Variants in ERAP1 observed in about 807,000 individuals in gnomAD.
The protein encoded by ERAP1 is adipocyte-derived leucine aminopeptidase.
Under a neutral mutation model 103.7 loss-of-function variants are expected in ERAP1, and 86 were observed. That is an observed-to-expected ratio of 0.83 (90% confidence interval 0.70 to 0.99). The LOEUF (loss-of-function observed/expected upper bound fraction) is 0.99. Ranked by LOEUF, ERAP1 falls within the 50% of genes least tolerant of loss-of-function variation. ERAP1 has a pLI of 0.00. For synonymous variants in ERAP1, 398 were observed against 402.4 expected, an observed-to-expected ratio of 0.99 and a Z score of 0.13; for missense variants, 1,009 against 1,128.4, an observed-to-expected ratio of 0.89 and a Z score of 1.52.
rs70981840 is a variant in ERAP1, at chr5:96,783,875, A to ACT, written c.2100+47_2100+48dup. On this transcript the variant is annotated intron_variant, in intron 14 of 18. Transcript: ENST00000443439. ...CACACATACACACACAATGATTAAC[A>ACT]CTTTTTAACACAAATAATAATTACA... 0.82 allele frequency: 1,082,272 copies of ACT among 1,326,212 alleles called. 460,973 individuals carry two copies. Among genetic ancestry groups the ACT allele is most frequent in the Non-Finnish European group, 0.84 (798,227 of 947,498 alleles). 82.2% of individuals were successfully genotyped at this position (1,326,212 alleles called of 1,614,324 possible).
At chr5:96,869,716 A>G in the ERAP1 span, among the ~76,000 whole-genome samples, 1 of 152,344 alleles carries the variant, frequency 6.6e-6, no homozygotes, top group African/African-American at 2.4e-5. Flanking sequence ...ACTCCTCAAT[A>G]ATCTGACCAT....
At chr5:96,830,715 G>A in the ERAP1 span, among the ~76,000 whole-genome samples, 1 of 152,204 alleles carries the variant, frequency 6.6e-6, no homozygotes, top group Non-Finnish European at 1.5e-5. Flanking sequence ...TACACTTGGA[G>A]TCAAGTTTAA....
At chr5:96,832,731 G>A in the ERAP1 span, among the ~76,000 whole-genome samples, 1 of 152,172 alleles carries the variant, frequency 6.6e-6, no homozygotes, top group African/African-American at 2.4e-5. Context: ...AGATATCATT[G>A]TACGTACAAA....
the ERAP1 span, among the ~76,000 whole-genome samples, chr5:96,892,706 T>C: frequency 3.2e-4 from 48 of 152,132 alleles, no homozygotes; most frequent in Non-Finnish European, 1.2e-4. Flanking sequence ...CCTTCAAATG[T>C]CATTTGGGAA....
the ERAP1 span, among the ~76,000 whole-genome samples, chr5:96,881,922 G>A: frequency 2.6e-5 from 4 of 152,138 alleles, no homozygotes; most frequent in African/African-American, 9.7e-5. Flanking sequence ...TCTCTTATCT[G>A]GACTTGTTGC....
chr5:96,782,535 T>C (rs1408219179), intron 15 of ERAP1, among the ~76,000 whole-genome samples: 1 of 152,196 alleles, frequency 6.6e-6, no homozygotes, highest in Non-Finnish European at 1.5e-5. Context: ...GACCACTGTT[T>C]GGATTTCTTT....
downstream of ERAP1, chr5:96,771,568 C>G: frequency 1.8e-6 from 2 of 1,101,024 alleles, no homozygotes; most frequent in Non-Finnish European, 2.7e-6. Flanking sequence ...CTTTTGTCCC[C>G]TAATTCTGAG....
intron 2 of ERAP1, among the ~76,000 whole-genome samples, chr5:96,801,853 A>G (rs1200258199): frequency 1.6e-5 from 2 of 121,530 alleles, no homozygotes; most frequent in Non-Finnish European, 3.7e-5. Flanking sequence ...CTCCGTCTCG[A>G]CAAAAAAAAA....
At chr5:96,885,764 A>T in the ERAP1 span, among the ~76,000 whole-genome samples, 1 of 152,146 alleles carries the variant, frequency 6.6e-6, no homozygotes, top group Admixed American at 6.6e-5. Context: ...AGATTATTGG[A>T]TCTGTATCCA....
the ERAP1 span, among the ~76,000 whole-genome samples, chr5:96,929,763 T>C: frequency 6.6e-6 from 1 of 152,200 alleles, no homozygotes; most frequent in Non-Finnish European, 1.5e-5. Flanking sequence ...CTCTTTTCAT[T>C]TACAATAATA....
At chr5:96,931,547 C>A in the ERAP1 span, among the ~76,000 whole-genome samples, 1 of 152,164 alleles carries the variant, frequency 6.6e-6, no homozygotes, top group Non-Finnish European at 1.5e-5. Context: ...GGTGAGGGTG[C>A]ATGAAAGAAT....
the ERAP1 span, among the ~76,000 whole-genome samples, chr5:96,852,760 T>A: frequency 2.0e-5 from 3 of 152,216 alleles, no homozygotes; most frequent in Non-Finnish European, 4.4e-5. Context: ...GATGGTAATG[T>A]GAATAGAAAT....
At chr5:96,913,822 C>T in the ERAP1 span, among the ~76,000 whole-genome samples, 2 of 152,158 alleles carry the variant, frequency 1.3e-5, no homozygotes, top group African/African-American at 4.8e-5. Context: ...TATGTGGCCT[C>T]ATTTGTTAAT....
chr5:96,905,922 A>G, the ERAP1 span, among the ~76,000 whole-genome samples: 2 of 148,802 alleles, frequency 1.3e-5, no homozygotes, highest in African/African-American at 5.0e-5. Flanking sequence ...TAGTTTGGAG[A>G]GATAATTTTT....
chr5:96,846,116 GTCCT>G, the ERAP1 span, among the ~76,000 whole-genome samples: 1 of 152,264 alleles, frequency 6.6e-6, no homozygotes, highest in African/African-American at 2.4e-5. Context: ...AACCTTGTAG[GTCCT>G]TAAAGTTGCC....
chr5:96,800,912 T>C lies in ERAP1; in HGVS notation c.613A>G (p.Ile205Val), dbSNP rs200284630. 8.1e-6 allele frequency: 13 copies of C among 1,614,110 alleles called. No homozygotes were observed. The Middle Eastern group carries it at 9.9e-4, about 123-fold the overall frequency. Residue 205 changes from isoleucine (I) to valine (V), a missense_variant, in exon 3 of 19, where the codon ATC (isoleucine) becomes GTC (valine). Ile to Val is a conservative substitution (Grantham distance 29). Around this residue, in one of 3 missense-constraint regions of ERAP1, gnomAD observed 392 missense variants for 455.2 expected, o/e 0.86. Coordinates refer to ENST00000443439, the MANE Select transcript of ERAP1 (RefSeq NM_001040458.3). The stretch of plus-strand genomic sequence containing the variant: ...TGCCTTGGCTCTCTTCTAATTTTGA[T>C]TGAGAAACTTGCTTTGAAGGCAGGT... ...DEPAFKASFS[I>V]KIRREPRHLA... is the part of the protein sequence containing the mutation.
chr5:96,763,107 G>C, exon 20 of ERAP1: 1 of 777,832 alleles, frequency 1.3e-6, no homozygotes, highest in Non-Finnish European at 2.4e-6. Flanking sequence ...AGATGGAGAT[G>C]AAGTAACTTT....
At chr5:96,876,806 T>C in the ERAP1 span, among the ~76,000 whole-genome samples, 1 of 152,160 alleles carries the variant, frequency 6.6e-6, no homozygotes, top group African/African-American at 2.4e-5. Context: ...CAGGATGTTT[T>C]GTTCACTGCA....
intron 18 of ERAP1, among the ~76,000 whole-genome samples, chr5:96,777,169 AAT>A (rs1240133761): frequency 3.3e-5 from 5 of 152,192 alleles, no homozygotes; most frequent in Admixed American, 1.3e-4. Context: ...CCTCCTGAAA[AAT>A]ATGTTTGTTC....
Sources: allele counts gnomAD v4.1 joint callset (sites outside exome capture counted in the v4.1 genomes callset), GRCh38; gene constraint gnomAD v4.1.1; regional missense constraint gnomAD v4.1.1; transcripts MANE v1.5; gene names NCBI Gene and HGNC (gene_info 2026-07-23, HGNC 2026-07-21).